ALOX12B: variants seen among roughly 807,000 people sequenced by gnomAD.
ALOX12B encodes arachidonate 12-lipoxygenase, 12R-type.
ALOX12B carries 47 observed loss-of-function variants against 78.9 expected under a neutral mutation model. That is an observed-to-expected ratio of 0.60 (90% CI 0.47 to 0.76). The LOEUF (loss-of-function observed/expected upper bound fraction) is 0.76, where lower values mean the gene tolerates loss of function less well. Among genes scored for constraint, ALOX12B ranks in the 30% least tolerant of loss-of-function variants. The pLI, the probability that ALOX12B is intolerant of heterozygous loss-of-function variation, is 0.00. For missense variants in ALOX12B, 805 were observed against 922.6 expected (o/e 0.87, Z 1.65); for synonymous variants, 370 against 374.5 (o/e 0.99, Z 0.14).
intron 8 of ALOX12B, among the ~76,000 whole-genome samples, chr17:8,078,053 A>C (rs754377763): frequency 1.3e-5 from 2 of 152,196 alleles, no homozygotes; most frequent in Non-Finnish European, 2.9e-5. Flanking sequence ...CTATCTACAT[A>C]GCATTTACAT....
At chr17:8,082,102 G>A (rs1977229232) in intron 2 of ALOX12B, among the ~76,000 whole-genome samples, 1 of 152,112 alleles carries the variant, frequency 6.6e-6, no homozygotes, top group Admixed American at 6.5e-5. Context: ...GTATTCCACT[G>A]TGTATATATA....
At chr17:8,078,742 A>C (rs1220827767) in intron 8 of ALOX12B, among the ~76,000 whole-genome samples, 1 of 152,062 alleles carries the variant, frequency 6.6e-6, no homozygotes, top group African/African-American at 2.4e-5. Flanking sequence ...ATCTCCACCT[A>C]AGCCTATTCG....
chr17:8,074,122 C>T (rs1021070448), intron 12 of ALOX12B, among the ~76,000 whole-genome samples: 3 of 152,146 alleles, frequency 2.0e-5, no homozygotes, highest in Admixed American at 6.5e-5. Context: ...CCTGCCCCGA[C>T]TCAACCCAGC....
At position 8,080,709 on chromosome 17, in the gene ALOX12B, A is replaced by G; in HGVS notation, c.599T>C (p.Leu200Pro). 2 of 1,614,116 alleles carry G rather than the reference A, an allele frequency of 1.2e-6. No individual in the cohort carries two copies. Among genetic ancestry groups the G allele is most frequent in the Non-Finnish European group, 1.7e-6 (2 of 1,180,028 alleles). ...GGCCGTCTTGAGGAAGGAGTAGCGG[A>G]GATTTAAGTTCAGGAACTTGGTGGC... is the stretch of plus-strand genomic sequence containing the variant. ...FKATKFLNLN[L>P]RYSFLKTASF... The change falls in exon 5 of 15, where the codon CTC becomes CCC. Residue 200 changes from leucine (L) to proline (P), a missense_variant. Physicochemically the swap from Leu to Pro is moderately conservative, Grantham distance 98. Coordinates refer to ENST00000647874, the MANE Select transcript of ALOX12B (RefSeq NM_001139.3). The surrounding 1 kb of genome is among the most constrained non-coding windows in gnomAD (Gnocchi z 4.8).
At position 8,087,233 on chromosome 17, in the gene ALOX12B, CACAG is replaced by C. The variant is rs1286572926; in HGVS notation, c.147+59_147+62del. The C allele has an allele frequency of 2.9e-5, 26 of 911,392 alleles. No individual in the cohort carries two copies. In the African/African-American group the frequency reaches 6.5e-4, roughly 23 times the overall value. The allele number at this position is 911,392 out of a possible 1,614,324, so 56.5% of individuals were successfully genotyped here. A position where few individuals can be genotyped will look rare whatever the true frequency, so the allele number is the denominator to read the frequency against. ...AGACACACAGACACACACAGACACA[CACAG>C]ACACACACACACACACACACAGACA... On this transcript the variant is annotated intron_variant, in intron 1 of 14. Coordinates refer to ENST00000647874, the MANE Select transcript of ALOX12B (RefSeq NM_001139.3).
chr17:8,075,602 C>T lies in ALOX12B; in HGVS notation c.1647G>A (p.Glu549=), dbSNP rs1977061984. The part of the protein sequence containing the change: ...EIFKECLLGR[E]SSGFPRCLRT... ...AGGTGTCCAGGCCCATACCTGAGCT[C>T]TCCCGCCCCAGGAGGCACTCTTTAA... Residue 549 remains glutamate, a synonymous_variant, in exon 12 of 15, where the codon GAG becomes GAA. Transcript: ENST00000647874. 4 of 1,614,170 alleles carry T rather than the reference C, an allele frequency of 2.5e-6. No individual in the cohort carries two copies. The highest frequency in any genetic ancestry group is 3.4e-6 in the Non-Finnish European group (4 of 1,180,032).
At position 8,080,166 on chromosome 17, in the gene ALOX12B, G is replaced by A; in HGVS notation, c.754+69C>T. ...TCTCCCGTCCCACTGCCCCGAAGTC[G>A]GGGGCCTGCCTAGCACGCCGGAGAC... On this transcript the variant is annotated intron_variant, in intron 6 of 14. Transcript: ENST00000647874. This position sits in a 1 kb window ranked among gnomAD's most constrained non-coding sequence, Gnocchi z 4.8. 6.4e-7 allele frequency: 1 copy of A among 1,555,976 alleles called. No individual in the cohort carries two copies. Among genetic ancestry groups the A allele is most frequent in the East Asian group, 2.2e-5 (1 of 44,568 alleles).
At position 8,081,078 on chromosome 17, in the gene ALOX12B, G is replaced by T; in HGVS notation, c.434+28C>A. 1.9e-6 allele frequency: 3 copies of T among 1,613,146 alleles called. No individual in the cohort carries two copies. In the South Asian group the frequency reaches 3.3e-5, roughly 18 times the overall value. ...CCACCTCCCTGGACCCCTGCCGGGC[G>T]CCCAGACTCTGCCACCCGCCCCCTC... On this transcript the variant is annotated intron_variant, in intron 3 of 14. Coordinates refer to ENST00000647874, the MANE Select transcript of ALOX12B (RefSeq NM_001139.3).
chr17:8,081,486 G>T (rs1409132773), intron 2 of ALOX12B: 1 of 470,494 alleles, frequency 2.1e-6, no homozygotes, highest in East Asian at 4.4e-5. Flanking sequence ...GAGTACAAGA[G>T]CAATGTTGTT....
At chr17:8,081,211 C>T (rs1385476621) in intron 2 of ALOX12B, 24 bp from the exon 3 acceptor site, 2 of 1,611,624 alleles carry the variant, frequency 1.2e-6, no homozygotes, top group East Asian at 2.2e-5. Context: ...AAGGAGAGGA[C>T]TCAAGGGCTG....
intron 10 of ALOX12B, 53 bp from the exon 11 acceptor site, chr17:8,076,397 TC>T: frequency 6.5e-7 from 1 of 1,548,170 alleles, no homozygotes. Flanking sequence ...TGGAACCCCT[TC>T]AGGTCCTCTA....
At chr17:8,076,153 C>T in intron 11 of ALOX12B, 22 bp downstream of exon 11, 1 of 1,613,856 alleles carries the variant, frequency 6.2e-7, no homozygotes, top group Non-Finnish European at 8.5e-7. Flanking sequence ...CTAAGAGCCA[C>T]CCACTGCTGT....
intron 10 of ALOX12B, 116 bp from the exon 11 acceptor site, chr17:8,076,460 G>A: frequency 7.4e-7 from 1 of 1,348,386 alleles, no homozygotes; most frequent in Non-Finnish European, 1.0e-6. Context: ...CCCACCTCCA[G>A]GAACAATCCT....
chr17:8,076,631 G>A lies in ALOX12B; in HGVS notation c.1362+26C>T, dbSNP rs757391567. On this transcript the variant is annotated intron_variant, in intron 10 of 14. Transcript: ENST00000647874. ...AAGGCCAGAGGAAAACAAATGTCTCGTTGGGGTTGGGGGCAGAAGTCTTAC... is the reference window on the plus strand; with the variant it reads ...AAGGCCAGAGGAAAACAAATGTCTCATTGGGGTTGGGGGCAGAAGTCTTAC... 40 of 1,544,326 alleles carry A rather than the reference G, an allele frequency of 2.6e-5. No homozygotes were observed. The Admixed American group carries it at 3.7e-4, about 14-fold the overall frequency.
intron 8 of ALOX12B, among the ~76,000 whole-genome samples, chr17:8,078,664 G>A (rs1047373995): frequency 6.6e-6 from 1 of 152,086 alleles, no homozygotes; most frequent in South Asian, 2.1e-4. Context: ...TGTACCTCAG[G>A]GGACCAAGAC....
Position 8,079,382 on chromosome 17 carries a change from T to G in ALOX12B, c.1071+14A>C, listed in dbSNP as rs567562103. The G allele has an allele frequency of 1.3e-6, 2 of 1,552,234 alleles. No individual in the cohort carries two copies. The highest frequency in any genetic ancestry group is 3.9e-5 in the Admixed American group (2 of 51,330). The stretch of plus-strand genomic sequence containing the variant: ...ACAGAGGCTCAGCGGCAGCGCCGCC[T>G]GCAGCCCAGGCACCTGGATGGCGAT... On this transcript the variant is annotated intron_variant, in intron 8 of 14. Transcript: ENST00000647874. The surrounding 1 kb of genome is among the most constrained non-coding windows in gnomAD (Gnocchi z 6.4).
chr17:8,080,930 T>A lies in ALOX12B; in HGVS notation c.481A>T (p.Ser161Cys). ...TGCCTCCGCACCGGAGGGCGGTAAC[T>A]GGGAATGTGCACATAGCTGGGCAGG... ...PGLPSYVHIP[S>C]YRPPVRRHRN... The change falls in exon 4 of 15, where the codon AGT becomes TGT. Residue 161 changes from serine to cysteine, a missense_variant. By Grantham distance (112) the Ser-to-Cys change is moderately radical. Transcript: ENST00000647874. This position sits in a 1 kb window ranked among gnomAD's most constrained non-coding sequence, Gnocchi z 4.8. The A allele has an allele frequency of 6.2e-7, 1 of 1,613,756 alleles. No individual in the cohort carries two copies.
chr17:8,077,279 G>A, intron 8 of ALOX12B, 86 bp from the exon 9 acceptor site: 2 of 1,359,746 alleles, frequency 1.5e-6, no homozygotes, highest in Non-Finnish European at 2.0e-6. Flanking sequence ...GCAGAAGGGA[G>A]TATGAGAAGG....
At position 8,076,312 on chromosome 17, in the gene ALOX12B, C is replaced by G. The variant is rs529986835; in HGVS notation, c.1395G>C (p.Gly465=). Residue 465 remains glycine (G), a synonymous_variant, in exon 11 of 15, where the codon GGG becomes GGC. Transcript: ENST00000647874. ...GCTCCGACAGAGCCCGTACCATCAC[C>G]CCAGCAAAGCCTTCCACGCCCAGGG... ...GMSLGVEGFA[G]VMVRALSELT... 6.2e-7 allele frequency: 1 copy of G among 1,611,186 alleles called. No homozygotes were observed. The highest frequency in any genetic ancestry group is 1.1e-5 in the South Asian group (1 of 90,548).
Sources: gnomAD v4.1 joint callset for allele counts (sites outside exome capture counted in the v4.1 genomes callset) on GRCh38, gnomAD v4.1.1 for gene constraint, Gnocchi (gnomAD v3.1) non-coding constraint, MANE v1.5 for transcripts, NCBI Gene and HGNC (gene_info 2026-07-23, HGNC 2026-07-21) for gene names.